TECPR1: variants seen among roughly 807,000 people sequenced by gnomAD.
TECPR1 encodes the protein tectonin beta-propeller repeat containing 1.
A neutral mutation model predicts 162.4 loss-of-function variants in TECPR1; 122 were observed. The ratio of observed to expected loss-of-function variants is 0.75; its 90% confidence interval spans 0.65 to 0.87. TECPR1 has a LOEUF of 0.87. TECPR1 is among the 40% of genes least tolerant of loss of function. The pLI is 0.00. For missense variants in TECPR1, 1,432 were observed against 1,618.2 expected, an observed-to-expected ratio of 0.88 and a Z score of 1.97; for synonymous variants, 642 against 670.6, an observed-to-expected ratio of 0.96 and a Z score of 0.66.
intron 3 of TECPR1, among the ~76,000 whole-genome samples, chr7:98,245,680 C>T (rs987691430): frequency 2.6e-5 from 4 of 152,246 alleles, no homozygotes; most frequent in Non-Finnish European, 4.4e-5. Context: ...CACCATGATG[C>T]CTAGGCTGGT....
Position 98,235,851 on chromosome 7 carries a change from A to ACAACAC in TECPR1, c.1181+924_1181+925insGTGTTG, listed in dbSNP as rs1478300374. Among the ~76,000 whole-genome samples, 165 of 147,180 alleles carry ACAACAC rather than the reference A, an allele frequency of 1.1e-3. 3 individuals carry two copies. Among genetic ancestry groups the ACAACAC allele is most frequent in the Middle Eastern group, 3.6e-3 (1 of 280 alleles). On this transcript the variant is annotated intron_variant, in intron 10 of 25. Transcript: ENST00000447648. ...TCAAAAAAAAAAAAAAAAAAAAAAA[A>ACAACAC]CACCATCTGAGCAGACTAAACCCTC... is the stretch of plus-strand genomic sequence containing the variant.
chr7:98,232,856 A>G lies in TECPR1; in HGVS notation c.1789T>C (p.Phe597Leu), dbSNP rs1468330404. 1 of 1,610,888 alleles carries G rather than the reference A, an allele frequency of 6.2e-7. No homozygotes were observed. Among genetic ancestry groups the G allele is most frequent in the South Asian group, 1.1e-5 (1 of 90,776 alleles). Residue 597 changes from phenylalanine (F) to leucine (L), a missense_variant, in exon 12 of 26, where the codon TTC becomes CTC. Transcript: ENST00000447648. This position sits in a 1 kb window ranked among gnomAD's most constrained non-coding sequence, Gnocchi z 4.6. Reference sequence around the variant, plus strand: ...TCCACGGCCTGCTCGTAGTGTCTGAAGTTCTCCAGCTCCCGCTTGGTCCTT... The same window carrying G: ...TCCACGGCCTGCTCGTAGTGTCTGAGGTTCTCCAGCTCCCGCTTGGTCCTT... ...TERTKRELEN[F>L]RHYEQAVEQS...
chr7:98,242,152 GC>G (rs1798766802), intron 6 of TECPR1, among the ~76,000 whole-genome samples: 1 of 152,220 alleles, frequency 6.6e-6, no homozygotes. Context: ...GGCCAACGTG[GC>G]CGCAGAGGGG....
chr7:98,232,373 C>T lies in TECPR1; in HGVS notation c.1819-414G>A, dbSNP rs184686498. Among the ~76,000 whole-genome samples the T allele has an allele frequency of 3.3e-3, 505 of 152,156 alleles. 3 individuals are homozygous for T. Among genetic ancestry groups the T allele is most frequent in the African/African-American group, 0.011 (464 of 41,496 alleles). ...ATGCTCTGTGTGACTTCCCTGTCAC[C>T]CCCACACTTGACCTCTGAGGGCCGG... On this transcript the variant is annotated intron_variant, in intron 12 of 25. Transcript: ENST00000447648. The surrounding 1 kb of genome is among the most constrained non-coding windows in gnomAD (Gnocchi z 4.6).
At chr7:98,230,816 G>A (rs1412088025) in intron 15 of TECPR1, 145 bp downstream of exon 15, 3 of 1,107,256 alleles carry the variant, frequency 2.7e-6, no homozygotes, top group Non-Finnish European at 3.8e-6. Flanking sequence ...GGACTTGGGG[G>A]CCTGGGAACC....
At chr7:98,223,867 C>T (rs972611402) in intron 19 of TECPR1, 149 bp from the exon 20 acceptor site, 8 of 807,708 alleles carry the variant, frequency 9.9e-6, no homozygotes, top group Middle Eastern at 2.9e-4. Flanking sequence ...GGTGTCACCA[C>T]GCGCGGCTCT....
At chr7:98,225,178 C>T in intron 17 of TECPR1, 76 bp from the exon 18 acceptor site, 1 of 1,351,964 alleles carries the variant, frequency 7.4e-7, no homozygotes, top group South Asian at 1.3e-5. Flanking sequence ...CCCATAACAC[C>T]CCACAGGGAA....
rs536873244 is a variant in TECPR1, at chr7:98,232,123, G to A, written c.1819-164C>T. On this transcript the variant is annotated intron_variant, in intron 12 of 25. Coordinates refer to ENST00000447648, the MANE Select transcript of TECPR1 (RefSeq NM_015395.3). The surrounding 1 kb of genome is among the most constrained non-coding windows in gnomAD (Gnocchi z 4.6). Reference sequence around the variant, plus strand: ...CCCCTATGCTAATGATAACAGTGACGCTGCCGGACACCCAATAGGTGCAGG... The same window carrying A: ...CCCCTATGCTAATGATAACAGTGACACTGCCGGACACCCAATAGGTGCAGG... Among the ~76,000 whole-genome samples, 16 of 152,230 alleles carry A rather than the reference G, an allele frequency of 1.1e-4. No homozygotes were observed. Among genetic ancestry groups the A allele is most frequent in the South Asian group, 8.3e-4 (4 of 4,824 alleles).
chr7:98,239,200 G>T (rs564271389), intron 8 of TECPR1, among the ~76,000 whole-genome samples: 218 of 152,198 alleles, frequency 1.4e-3, no homozygotes, highest in African/African-American at 5.0e-3. Flanking sequence ...CATTCTCCAT[G>T]GTGGCCTGGG....
At chr7:98,227,894 C>T in intron 17 of TECPR1, 120 bp downstream of exon 17, 1 of 664,118 alleles carries the variant, frequency 1.5e-6, no homozygotes. Context: ...TAGTTTCCTG[C>T]TGGCGGCCTG....
At position 98,222,504 on chromosome 7, in the gene TECPR1, G is replaced by A. The variant is rs765913683; in HGVS notation, c.2946C>T (p.His982=). 1.0e-5 allele frequency: 16 copies of A among 1,585,936 alleles called. No individual in the cohort carries two copies. Among genetic ancestry groups the A allele is most frequent in the South Asian group, 4.6e-5 (4 of 86,854 alleles). Residue 982 remains histidine (H), a synonymous_variant, in exon 22 of 26, where the codon CAC becomes CAT. Transcript: ENST00000447648. ...ELNPAGSSWL[H]VGTDQPFASI... Reference sequence around the variant, plus strand: ...AGGCGAAGGGCTGGTCGGTGCCAACGTGCAGCCAGGAGGAGCCCTGGGGAT... The same window carrying A: ...AGGCGAAGGGCTGGTCGGTGCCAACATGCAGCCAGGAGGAGCCCTGGGGAT...
intron 23 of TECPR1, among the ~76,000 whole-genome samples, chr7:98,221,255 T>A (rs540848243): frequency 6.6e-6 from 1 of 152,062 alleles, no homozygotes; most frequent in Admixed American, 6.5e-5. Context: ...TGAGCCGAGA[T>A]TGCACCACTG....
chr7:98,230,436 T>G (rs1798396342), intron 15 of TECPR1, among the ~76,000 whole-genome samples: 1 of 151,916 alleles, frequency 6.6e-6, no homozygotes, highest in Non-Finnish European at 1.5e-5. Flanking sequence ...CATTTCCCAG[T>G]GCCAAACGTC....
At chr7:98,246,495 G>A (rs981281640) in intron 2 of TECPR1, among the ~76,000 whole-genome samples, 1 of 152,154 alleles carries the variant, frequency 6.6e-6, no homozygotes, top group Non-Finnish European at 1.5e-5. Context: ...TCGATCTCCT[G>A]ACCTTGTGAT....
chr7:98,243,398 G>C, intron 6 of TECPR1, 69 bp downstream of exon 6: 2 of 1,587,804 alleles, frequency 1.3e-6, no homozygotes, highest in Admixed American at 1.7e-5. Flanking sequence ...GACCCAGGGG[G>C]TGCACAGGAC....
chr7:98,230,629 G>T (rs1798406159), intron 15 of TECPR1, among the ~76,000 whole-genome samples: 1 of 152,152 alleles, frequency 6.6e-6, no homozygotes, highest in Admixed American at 6.5e-5. Context: ...CCCTGGGCAG[G>T]TGGAGAGACG....
chr7:98,231,202 G>T, intron 14 of TECPR1, 22 bp downstream of exon 14: 1 of 1,610,098 alleles, frequency 6.2e-7, no homozygotes, highest in South Asian at 1.1e-5. Flanking sequence ...CCCCCGGCCC[G>T]AGGGGACCAC....
chr7:98,246,796 T>A (rs982815234), intron 2 of TECPR1, among the ~76,000 whole-genome samples: 2 of 151,502 alleles, frequency 1.3e-5, no homozygotes, highest in East Asian at 2.0e-4. Context: ...TTGGACAGGC[T>A]GGTCTCGAAC....
rs58265945 is a variant in TECPR1, at chr7:98,221,940, G to A, written c.3065-187C>T. Among the ~76,000 whole-genome samples the A allele has an allele frequency of 1.1e-3, 175 of 152,300 alleles. 1 individual carries two copies. Among genetic ancestry groups the A allele is most frequent in the African/African-American group, 4.1e-3 (170 of 41,556 alleles). ...GCCTGGGGTCTCTGGAAGCCATGGC[G>A]GGCTCCGATGGACTCATCTTGCCAG... On this transcript the variant is annotated intron_variant, in intron 22 of 25. Coordinates refer to ENST00000447648, the MANE Select transcript of TECPR1 (RefSeq NM_015395.3).
Sources: allele counts gnomAD v4.1 joint callset (sites outside exome capture counted in the v4.1 genomes callset), GRCh38; gene constraint gnomAD v4.1.1; non-coding constraint Gnocchi (gnomAD v3.1); transcripts MANE v1.5; gene names NCBI Gene and HGNC (gene_info 2026-07-23, HGNC 2026-07-21).